The following SLC4A10 variants were observed in gnomAD, a reference collection of about 807,000 sequenced individuals.
SLC4A10 encodes solute carrier family 4 member 10.
In SLC4A10, 42 loss-of-function variants were observed where a neutral mutation model predicts 137.7. That is an observed-to-expected ratio of 0.30 (90% CI 0.24 to 0.39). The LOEUF is 0.39. Ranked by LOEUF, SLC4A10 falls within the 10% of genes least tolerant of loss-of-function variation. The pLI, the probability that SLC4A10 is intolerant of heterozygous loss-of-function variation, is 1.00. For missense variants in SLC4A10, 925 were observed against 1,355.0 expected, an observed-to-expected ratio of 0.68 and a Z score of 4.98; for synonymous variants, 474 against 464.1, an observed-to-expected ratio of 1.02 and a Z score of -0.27.
intron 1 of SLC4A10, among the ~76,000 whole-genome samples, chr2:161,655,215 A>G (rs1344296659): frequency 6.6e-6 from 1 of 151,820 alleles, no homozygotes; most frequent in Non-Finnish European, 1.5e-5. Context: ...TTGTATGTTG[A>G]TTTTGTATCT....
chr2:161,845,226 T>C (rs72879284), intron 4 of SLC4A10, among the ~76,000 whole-genome samples: 3 of 152,112 alleles, frequency 2.0e-5, no homozygotes, highest in African/African-American at 7.2e-5. Flanking sequence ...AAGAGAGATA[T>C]AGTTATGTAT....
At chr2:161,678,492 T>A (rs1334127646) in intron 1 of SLC4A10, among the ~76,000 whole-genome samples, 3 of 152,180 alleles carry the variant, frequency 2.0e-5, no homozygotes, top group Non-Finnish European at 4.4e-5. Context: ...ATAATATACA[T>A]ACAATAAGTC....
chr2:161,714,719 T>C lies in SLC4A10; in HGVS notation c.49-56254T>C, dbSNP rs377006146. Among the ~76,000 whole-genome samples the C allele has an allele frequency of 5.9e-5, 9 of 152,148 alleles. No individual in the cohort carries two copies. The South Asian group carries it at 1.9e-3, about 32-fold the overall frequency. On this transcript the variant is annotated intron_variant, in intron 1 of 26. Coordinates refer to ENST00000446997, the MANE Select transcript of SLC4A10 (RefSeq NM_001178015.2). ...CCAGAGCGGGACTCCTGTGTTATGA[T>C]CCCATATCTTCCACTTTACTGGCAA...
intron 1 of SLC4A10, among the ~76,000 whole-genome samples, chr2:161,676,734 A>G (rs1476348641): frequency 6.6e-6 from 1 of 152,146 alleles, no homozygotes; most frequent in Non-Finnish European, 1.5e-5. Flanking sequence ...CCTTGATTCA[A>G]AGTTTCTAAG....
At chr2:161,719,640 C>T (rs574067827) in intron 1 of SLC4A10, among the ~76,000 whole-genome samples, 34 of 152,276 alleles carry the variant, frequency 2.2e-4, no homozygotes, top group Admixed American at 1.0e-3. Flanking sequence ...ATTTGCATTT[C>T]TCTGATGACC....
At chr2:161,654,339 C>G (rs1297016112) in intron 1 of SLC4A10, among the ~76,000 whole-genome samples, 2 of 152,216 alleles carry the variant, frequency 1.3e-5, no homozygotes, top group African/African-American at 4.8e-5. Context: ...TGCGTTTTCA[C>G]TCTGTGGAGC....
chr2:161,723,719 T>A (rs191950163), intron 1 of SLC4A10, among the ~76,000 whole-genome samples: 1 of 152,248 alleles, frequency 6.6e-6, no homozygotes, highest in East Asian at 1.9e-4. Context: ...TAACATTGAA[T>A]CCCCAAATTT....
chr2:161,696,751 T>C (rs948524384), intron 1 of SLC4A10, among the ~76,000 whole-genome samples: 2 of 152,122 alleles, frequency 1.3e-5, no homozygotes, highest in African/African-American at 4.8e-5. Context: ...TTGTGAATAA[T>C]GCCACAATAA....
rs1700474726 is a variant in SLC4A10, at chr2:161,983,288, T to C, written c.*136T>C. The C allele has an allele frequency of 6.7e-7, 1 of 1,494,836 alleles. No individual in the cohort carries two copies. The highest frequency in any genetic ancestry group is 1.4e-5 in the African/African-American group (1 of 71,758). The allele number at this position is 1,494,836 out of a possible 1,614,324, so 92.6% of individuals were successfully genotyped here. On this transcript the variant is annotated 3_prime_UTR_variant, in exon 27 of 27. Coordinates refer to ENST00000446997, the MANE Select transcript of SLC4A10 (RefSeq NM_001178015.2). ...TTTTTACATATATATGAGAAGAGTG[T>C]CACAATTATTAATAAAACTGCTTTG...
chr2:161,824,914 A>C (rs2057912957), intron 3 of SLC4A10, among the ~76,000 whole-genome samples: 1 of 152,132 alleles, frequency 6.6e-6, no homozygotes, highest in Admixed American at 6.5e-5. Flanking sequence ...GCCACTCCTG[A>C]GATAGCAAGA....
At chr2:161,818,024 T>C (rs979137004) in intron 3 of SLC4A10, among the ~76,000 whole-genome samples, 4 of 152,134 alleles carry the variant, frequency 2.6e-5, no homozygotes, top group African/African-American at 4.8e-5. Flanking sequence ...AAGAAAGTCA[T>C]TGGTAGCTTG....
intron 3 of SLC4A10, among the ~76,000 whole-genome samples, chr2:161,804,966 T>A (rs1242589513): frequency 6.6e-6 from 1 of 152,168 alleles, no homozygotes; most frequent in East Asian, 1.9e-4. Flanking sequence ...AGTCTTAGGA[T>A]GTTGTATTAG....
At chr2:161,982,838 G>C (rs1700403248) in intron 26 of SLC4A10, among the ~76,000 whole-genome samples, 1 of 152,186 alleles carries the variant, frequency 6.6e-6, no homozygotes, top group Non-Finnish European at 1.5e-5. Context: ...TTAAGATGGG[G>C]GCATGGCTGA....
At position 161,703,213 on chromosome 2, in the gene SLC4A10, T is replaced by C. The variant is rs557143249; in HGVS notation, c.49-67760T>C. ...AAAATAGAGGATGTATGTAAGGCTGTGTGCACAAAGATGTTTATTACACTG... is the reference window on the plus strand; with the variant it reads ...AAAATAGAGGATGTATGTAAGGCTGCGTGCACAAAGATGTTTATTACACTG... On this transcript the variant is annotated intron_variant, in intron 1 of 26. Transcript: ENST00000446997. Among the ~76,000 whole-genome samples the C allele has an allele frequency of 1.1e-3, 167 of 151,840 alleles. 2 individuals are homozygous for C. The South Asian group carries it at 0.019, about 18-fold the overall frequency.
chr2:161,753,119 G>T (rs2049172399), intron 1 of SLC4A10, among the ~76,000 whole-genome samples: 1 of 151,984 alleles, frequency 6.6e-6, no homozygotes, highest in Admixed American at 6.6e-5. Context: ...TATTTACAAA[G>T]CATTAAATTA....
chr2:161,694,518 T>C (rs990860772), intron 1 of SLC4A10, among the ~76,000 whole-genome samples: 2 of 150,828 alleles, frequency 1.3e-5, no homozygotes, highest in African/African-American at 4.9e-5. Context: ...ATATATACTG[T>C]ACATATTTAA....
chr2:161,973,490 C>A (rs1273670552), intron 23 of SLC4A10, among the ~76,000 whole-genome samples: 4 of 151,980 alleles, frequency 2.6e-5, no homozygotes, highest in Non-Finnish European at 5.9e-5. Context: ...TCATTTCCAC[C>A]CTTTGAGGAA....
chr2:161,918,658 G>A (rs1014001693), intron 15 of SLC4A10, among the ~76,000 whole-genome samples: 12 of 152,158 alleles, frequency 7.9e-5, no homozygotes, highest in Non-Finnish European at 2.9e-5. Context: ...CTGGAGATGA[G>A]TTTTTCTGCA....
intron 1 of SLC4A10, among the ~76,000 whole-genome samples, chr2:161,746,141 T>G (rs1460045937): frequency 6.6e-6 from 1 of 152,062 alleles, no homozygotes; most frequent in Non-Finnish European, 1.5e-5. Flanking sequence ...AGGTGATGAA[T>G]CTTCCCAGGA....
Sources: gnomAD v4.1 joint callset for allele counts (sites outside exome capture counted in the v4.1 genomes callset) on GRCh38, gnomAD v4.1.1 for gene constraint, MANE v1.5 for transcripts, NCBI Gene and HGNC (gene_info 2026-07-23, HGNC 2026-07-21) for gene names.